ETV6: variants seen among roughly 807,000 people sequenced by gnomAD.
The protein encoded by ETV6 is transcription factor ETV6.
Under a neutral mutation model 51.1 loss-of-function variants are expected in ETV6, and 16 were observed. The ratio of observed to expected loss-of-function variants is 0.31; its 90% CI spans 0.21 to 0.48. The LOEUF (loss-of-function observed/expected upper bound fraction) is 0.48. ETV6 is among the 20% of genes least tolerant of loss of function. The pLI, the probability that ETV6 is intolerant of heterozygous loss-of-function variation, is 0.99. For synonymous variants in ETV6, 240 were observed against 224.1 expected (o/e 1.07, Z -0.64); for missense variants, 458 against 594.8 (o/e 0.77, Z 2.39).
intron 1 of ETV6, among the ~76,000 whole-genome samples, chr12:11,722,353 C>A (rs1020851664): frequency 1.3e-5 from 2 of 152,160 alleles, no homozygotes; most frequent in African/African-American, 4.8e-5. Flanking sequence ...TCAGATAATC[C>A]ACAAACTGTA....
chr12:11,821,181 C>T (rs1258461680), intron 2 of ETV6, among the ~76,000 whole-genome samples: 1 of 151,246 alleles, frequency 6.6e-6, no homozygotes, highest in Admixed American at 6.6e-5. Flanking sequence ...GCTAACACGG[C>T]AAAACCCCAT....
chr12:11,731,903 T>C (rs1565502840), intron 1 of ETV6, among the ~76,000 whole-genome samples: 1 of 152,148 alleles, frequency 6.6e-6, no homozygotes, highest in Non-Finnish European at 1.5e-5. Flanking sequence ...GGCAGTAGGG[T>C]AACCGGCTTG....
intron 1 of ETV6, among the ~76,000 whole-genome samples, chr12:11,684,897 A>C (rs930450721): frequency 6.6e-6 from 1 of 152,240 alleles, no homozygotes; most frequent in African/African-American, 2.4e-5. Flanking sequence ...AAATGTAAGT[A>C]AAATACGAAC....
chr12:11,769,706 G>C (rs1254788195), intron 2 of ETV6, among the ~76,000 whole-genome samples: 3 of 152,178 alleles, frequency 2.0e-5, no homozygotes, highest in Non-Finnish European at 4.4e-5. Context: ...AAATACTCTT[G>C]AAATGCTGTG....
intron 3 of ETV6, among the ~76,000 whole-genome samples, chr12:11,845,380 C>T (rs779796397): frequency 9.9e-5 from 15 of 152,194 alleles, no homozygotes; most frequent in Non-Finnish European, 1.9e-4. Context: ...TAAACACATA[C>T]TTATTTCATA....
At chr12:11,669,233 A>G (rs1864256258) in intron 1 of ETV6, among the ~76,000 whole-genome samples, 1 of 152,186 alleles carries the variant, frequency 6.6e-6, no homozygotes, top group South Asian at 2.1e-4. Context: ...GCAGTTGCCA[A>G]TCTCAAGCTT....
chr12:11,884,116 G>C (rs560833762), intron 5 of ETV6, among the ~76,000 whole-genome samples: 1 of 152,262 alleles, frequency 6.6e-6, no homozygotes, highest in East Asian at 1.9e-4. Flanking sequence ...GATTCAGTTA[G>C]AACTTGCCTC....
intron 1 of ETV6, among the ~76,000 whole-genome samples, chr12:11,715,729 T>C (rs1233845702): frequency 6.6e-6 from 1 of 152,246 alleles, no homozygotes; most frequent in Non-Finnish European, 1.5e-5. Context: ...ATTGAGGATT[T>C]ATGACAGCCG....
At chr12:11,822,487 C>A (rs1385365612) in intron 2 of ETV6, among the ~76,000 whole-genome samples, 1 of 152,134 alleles carries the variant, frequency 6.6e-6, no homozygotes, top group African/African-American at 2.4e-5. Context: ...AAACATATAC[C>A]CTTTACTGTT....
chr12:11,821,982 G>A (rs1946087994), intron 2 of ETV6, among the ~76,000 whole-genome samples: 1 of 152,182 alleles, frequency 6.6e-6, no homozygotes, highest in South Asian at 2.1e-4. Flanking sequence ...CTTTTCATGT[G>A]TGCAGGCCTT....
intron 1 of ETV6, among the ~76,000 whole-genome samples, chr12:11,690,473 C>G (rs944507076): frequency 2.6e-5 from 4 of 152,064 alleles, no homozygotes; most frequent in Non-Finnish European, 2.9e-5. Flanking sequence ...CACCTGTAGT[C>G]TGAGCTACTC....
At chr12:11,778,928 A>G (rs1234424005) in intron 2 of ETV6, among the ~76,000 whole-genome samples, 3 of 152,230 alleles carry the variant, frequency 2.0e-5, no homozygotes, top group African/African-American at 7.2e-5. Context: ...CTTCTTGAAC[A>G]CTGTCAAACT....
intron 2 of ETV6, among the ~76,000 whole-genome samples, chr12:11,753,028 G>GCCCTCCCTC (rs917561654): frequency 6.6e-6 from 1 of 151,910 alleles, no homozygotes; most frequent in Non-Finnish European, 1.5e-5. Flanking sequence ...TCTTTCCAGG[G>GCCCTCCCTC]CCCTCCCTCC....
intron 1 of ETV6, among the ~76,000 whole-genome samples, chr12:11,699,334 C>A (rs529168968): frequency 9.2e-5 from 14 of 152,272 alleles, no homozygotes; most frequent in African/African-American, 3.1e-4. Context: ...ACAGCTTGCT[C>A]ATTTTAATTC....
intron 2 of ETV6, among the ~76,000 whole-genome samples, chr12:11,816,759 G>C (rs554650719): frequency 1.3e-5 from 2 of 152,336 alleles, no homozygotes; most frequent in South Asian, 2.1e-4. Context: ...ACACAACAGA[G>C]AGCTGAGTTA....
intron 4 of ETV6, among the ~76,000 whole-genome samples, chr12:11,862,976 A>T (rs1209578038): frequency 1.3e-5 from 2 of 152,174 alleles, no homozygotes; most frequent in Non-Finnish European, 2.9e-5. Context: ...AACCCAGTGG[A>T]CTGAGGCTTG....
At chr12:11,748,557 C>T (rs1166638155) in intron 1 of ETV6, among the ~76,000 whole-genome samples, 1 of 152,042 alleles carries the variant, frequency 6.6e-6, no homozygotes, top group Non-Finnish European at 1.5e-5. Context: ...AGGGGATCCC[C>T]GTGATTTATG....
chr12:11,893,112 T>G lies in ETV6; in HGVS notation c.*2066T>G, dbSNP rs1947320686. 4.3e-6 allele frequency: 1 copy of G among 232,780 alleles called. No homozygotes were observed. Among genetic ancestry groups the G allele is most frequent in the South Asian group, 1.8e-4 (1 of 5,524 alleles). 14.4% of individuals were successfully genotyped at this position (232,780 alleles called of 1,614,324 possible). A position where few individuals can be genotyped will look rare whatever the true frequency, so the allele number is the denominator to read the frequency against. On this transcript the variant is annotated 3_prime_UTR_variant, in exon 8 of 8. Transcript: ENST00000396373. Reference sequence around the variant, plus strand: ...GCAGGTGTCTTTTGAGAGCATTCAGTAGGACATGGTGATCCCTATTTCAGC... The same window carrying G: ...GCAGGTGTCTTTTGAGAGCATTCAGGAGGACATGGTGATCCCTATTTCAGC...
chr12:11,880,507 AT>A (rs34232909), intron 5 of ETV6, among the ~76,000 whole-genome samples: 16,642 of 152,244 alleles, frequency 0.11, 1,640 homozygotes, highest in African/African-American at 0.26. Context: ...AAGCCCTTAC[AT>A]TGGAGAAATG....
Sources: gnomAD v4.1 joint callset for allele counts (sites outside exome capture counted in the v4.1 genomes callset) on GRCh38, gnomAD v4.1.1 for gene constraint, MANE v1.5 for transcripts, NCBI Gene and HGNC (gene_info 2026-07-23, HGNC 2026-07-21) for gene names.